Variants in PRDM5 observed in about 807,000 individuals in gnomAD.
The protein encoded by PRDM5 is PR domain zinc finger protein 5.
Under a neutral mutation model 81.2 loss-of-function variants are expected in PRDM5, and 56 were observed. The ratio of observed to expected loss-of-function variants is 0.69; its 90% confidence interval spans 0.56 to 0.86. PRDM5 has a LOEUF of 0.86. Among genes scored for constraint, PRDM5 ranks in the 40% least tolerant of loss-of-function variants. The pLI is 0.00. For synonymous variants in PRDM5, 267 were observed against 256.4 expected, an observed-to-expected ratio of 1.04 and a Z score of -0.39; for missense variants, 697 against 770.1, an observed-to-expected ratio of 0.91 and a Z score of 1.12.
intron 2 of PRDM5, among the ~76,000 whole-genome samples, chr4:120,900,365 A>G (rs79639909): frequency 6.6e-6 from 1 of 152,090 alleles, no homozygotes; most frequent in African/African-American, 2.4e-5. Flanking sequence ...AACAAAAAAC[A>G]CTCTTATACT....
At chr4:120,799,800 C>T (rs764178210) in intron 8 of PRDM5, 55 bp from the exon 9 acceptor site, 278 of 1,587,776 alleles carry the variant, frequency 1.8e-4, no homozygotes, top group Non-Finnish European at 2.3e-4. Flanking sequence ...GTAAATTACA[C>T]AGCTCTCAAG....
In PRDM5 at chr4:120,713,261, T is replaced by G. The variant is rs1202711005; in HGVS notation, c.1624-2848A>C. Among the ~76,000 whole-genome samples the G allele has an allele frequency of 4.6e-5, 7 of 152,186 alleles. No homozygotes were observed. In the South Asian group the frequency reaches 1.4e-3, roughly 31 times the overall value. ...TGACTGCCATATAGCTATAAAAGCTTTTTAAAATTAGTATTTGCCTGCTAT... is the reference window on the plus strand; with the variant it reads ...TGACTGCCATATAGCTATAAAAGCTGTTTAAAATTAGTATTTGCCTGCTAT... On this transcript the variant is annotated intron_variant, in intron 14 of 15. Transcript: ENST00000264808.
At chr4:120,868,286 T>C (rs1483759517) in intron 2 of PRDM5, among the ~76,000 whole-genome samples, 1 of 152,196 alleles carries the variant, frequency 6.6e-6, no homozygotes, top group African/African-American at 2.4e-5. Context: ...TGTGTTTATA[T>C]AACATTTTCT....
chr4:120,701,173 A>C (rs1735301888), intron 15 of PRDM5, among the ~76,000 whole-genome samples: 1 of 151,836 alleles, frequency 6.6e-6, no homozygotes, highest in African/African-American at 2.4e-5. Flanking sequence ...TAAAAAAAAA[A>C]CAACAGATGC....
intron 15 of PRDM5, among the ~76,000 whole-genome samples, chr4:120,709,317 G>T (rs1736624005): frequency 6.6e-6 from 1 of 152,128 alleles, no homozygotes. Context: ...TAGGGCTGTA[G>T]CTCTGTTCAG....
At chr4:120,733,376 G>A (rs1400515095) in intron 14 of PRDM5, among the ~76,000 whole-genome samples, 1 of 152,102 alleles carries the variant, frequency 6.6e-6, no homozygotes, top group Non-Finnish European at 1.5e-5. Context: ...CTCTCCTACA[G>A]TGGGCTTCTC....
chr4:120,843,349 T>C (rs1758263835), intron 3 of PRDM5, among the ~76,000 whole-genome samples: 1 of 151,340 alleles, frequency 6.6e-6, no homozygotes, highest in Admixed American at 6.6e-5. Flanking sequence ...GATTAATTAA[T>C]TAATTAATTT....
intron 14 of PRDM5, among the ~76,000 whole-genome samples, chr4:120,745,390 C>G (rs1742833922): frequency 7.4e-6 from 1 of 134,754 alleles, no homozygotes; most frequent in South Asian, 2.6e-4. Context: ...GATGCCCTCT[C>G]TCACCACTCC....
intron 2 of PRDM5, among the ~76,000 whole-genome samples, chr4:120,893,209 AGT>A (rs1271931845): frequency 6.6e-6 from 1 of 152,218 alleles, no homozygotes; most frequent in African/African-American, 2.4e-5. Flanking sequence ...CCCTATGGAA[AGT>A]GTGAATTCCT....
chr4:120,710,411 C>T lies in PRDM5; in HGVS notation c.1626G>A (p.Glu542=). The T allele has an allele frequency of 6.2e-7, 1 of 1,613,908 alleles. No individual in the cohort carries two copies. Among genetic ancestry groups the T allele is most frequent in the Non-Finnish European group, 8.5e-7 (1 of 1,179,930 alleles). ...LKMHIRTHTR[E]KPYKCSECSK... ...TGCACTCTGAGCACTTGTACGGCTT[C>T]TCCTGCAGTCAACAAAAAGAGACCA... Residue 542 remains glutamate, a splice_region_variant and synonymous_variant, in exon 15 of 16, where the codon GAG becomes GAA. Coordinates refer to ENST00000264808, the MANE Select transcript of PRDM5 (RefSeq NM_018699.4).
chr4:120,919,326 C>T (rs1332425599), intron 1 of PRDM5, among the ~76,000 whole-genome samples: 1 of 152,324 alleles, frequency 6.6e-6, no homozygotes, highest in East Asian at 1.9e-4. Context: ...GTCTTGCTCA[C>T]CTGTGTATTC....
intron 2 of PRDM5, among the ~76,000 whole-genome samples, chr4:120,904,826 A>G (rs1246038091): frequency 6.6e-6 from 1 of 152,178 alleles, no homozygotes; most frequent in Non-Finnish European, 1.5e-5. Context: ...TCACACTAAA[A>G]TTTTCAGATA....
chr4:120,792,904 G>C (rs560369409), intron 10 of PRDM5, among the ~76,000 whole-genome samples: 1 of 152,086 alleles, frequency 6.6e-6, no homozygotes, highest in South Asian at 2.1e-4. Context: ...CAGGAACTAG[G>C]GGTAGAGGTA....
chr4:120,896,048 C>T (rs1042576473), intron 2 of PRDM5: 14 of 152,058 alleles, frequency 9.2e-5, no homozygotes, highest in African/African-American at 3.1e-4. Flanking sequence ...CAAATTATGG[C>T]TTCAAGCTAT....
intron 2 of PRDM5, among the ~76,000 whole-genome samples, chr4:120,873,309 T>A (rs1240553850): frequency 1.3e-5 from 2 of 152,158 alleles, no homozygotes; most frequent in African/African-American, 4.8e-5. Flanking sequence ...CTGACCACAA[T>A]TTTTAAGAAG....
chr4:120,863,485 T>C (rs1331392570), intron 2 of PRDM5, among the ~76,000 whole-genome samples: 1 of 152,128 alleles, frequency 6.6e-6, no homozygotes, highest in East Asian at 1.9e-4. Context: ...TTCCATGTGC[T>C]GAAAATGGGA....
intron 12 of PRDM5, 140 bp from the exon 13 acceptor site, chr4:120,777,421 A>C (rs1223505999): frequency 1.2e-5 from 17 of 1,459,396 alleles, no homozygotes; most frequent in Non-Finnish European, 1.6e-5. Flanking sequence ...TGAGATTTTA[A>C]ACAATTTATG....
At chr4:120,795,106 T>C (rs894909350) in intron 10 of PRDM5, among the ~76,000 whole-genome samples, 1 of 152,150 alleles carries the variant, frequency 6.6e-6, no homozygotes, top group Non-Finnish European at 1.5e-5. Flanking sequence ...CCTGGAAGGC[T>C]AAGTAAAGGG....
intron 10 of PRDM5, among the ~76,000 whole-genome samples, chr4:120,795,631 G>C (rs1389944343): frequency 6.6e-6 from 1 of 151,618 alleles, no homozygotes; most frequent in Non-Finnish European, 1.5e-5. Flanking sequence ...TCTATATGCT[G>C]GCCAGGCACC....
Sources: allele counts gnomAD v4.1 joint callset (sites outside exome capture counted in the v4.1 genomes callset), GRCh38; gene constraint gnomAD v4.1.1; transcripts MANE v1.5; gene names NCBI Gene and HGNC (gene_info 2026-07-23, HGNC 2026-07-21).